The following RORA variants were observed in gnomAD, a reference collection of about 807,000 sequenced individuals.
RORA encodes the protein nuclear receptor ROR-alpha.
A neutral mutation model predicts 69.5 loss-of-function variants in RORA; 7 were observed. The observed-to-expected ratio is 0.10, with a 90% CI of 0.06 to 0.19. RORA has a LOEUF of 0.19. RORA is among the 10% of genes least tolerant of loss of function. The probability of loss-of-function intolerance (pLI) is 1.00; values close to 1 mark genes in which losing one functional copy is unlikely to be tolerated. For synonymous variants in RORA, 261 were observed against 240.8 expected (o/e 1.08, Z -0.78); for missense variants, 457 against 663.0 (o/e 0.69, Z 3.41).
At chr15:60,614,725 G>C (rs558648739) in intron 2 of RORA, among the ~76,000 whole-genome samples, 3 of 152,180 alleles carry the variant, frequency 2.0e-5, no homozygotes, top group African/African-American at 7.2e-5. Flanking sequence ...ATGTGTGCTG[G>C]GCAAATGGCT....
At chr15:61,154,851 G>C (rs1004089077) in intron 1 of RORA, among the ~76,000 whole-genome samples, 5 of 152,152 alleles carry the variant, frequency 3.3e-5, no homozygotes, top group Admixed American at 3.3e-4. Flanking sequence ...CTCAAGAATA[G>C]AGAGTGGGCT....
intron 2 of RORA, chr15:60,593,001 C>A: frequency 2.2e-6 from 1 of 452,012 alleles, no homozygotes; most frequent in Non-Finnish European, 4.4e-6. Context: ...GAGCTACGGT[C>A]ACCCGCATTT....
In RORA at chr15:61,229,105, C is replaced by T. The variant is rs2080176656; in HGVS notation, c.114G>A (p.Lys38=). 6.5e-7 allele frequency: 1 copy of T among 1,540,122 alleles called. No homozygotes were observed. Among genetic ancestry groups the T allele is most frequent in the Non-Finnish European group, 8.7e-7 (1 of 1,143,764 alleles). ...TGCGCACCGGGGCAGGCGGCTCGCTCTTGCGGGCGGATTCCTGGTTCAGCG... is the reference window on the plus strand; with the variant it reads ...TGCGCACCGGGGCAGGCGGCTCGCTTTTGCGGGCGGATTCCTGGTTCAGCG... The part of the protein sequence containing the change: ...ETPLNQESAR[K]SEPPAPVRRQ... Residue 38 remains lysine (K), a synonymous_variant, in exon 1 of 11, where the codon AAG becomes AAA. Transcript: ENST00000335670.
intron 3 of RORA, chr15:60,528,608 C>T (rs991696754): frequency 6.6e-6 from 1 of 152,120 alleles, no homozygotes. Flanking sequence ...CAAATGGTCA[C>T]AACAATCAAG....
chr15:60,640,336 G>A (rs2069920303), intron 2 of RORA, among the ~76,000 whole-genome samples: 1 of 152,182 alleles, frequency 6.6e-6, no homozygotes, highest in Admixed American at 6.5e-5. Flanking sequence ...TCTCTCTATT[G>A]TCATTGCTGC....
intron 1 of RORA, among the ~76,000 whole-genome samples, chr15:61,121,860 A>G (rs1038653186): frequency 1.8e-4 from 26 of 146,292 alleles, no homozygotes; most frequent in African/African-American, 2.3e-4. Flanking sequence ...AAAAAAAAAA[A>G]GGGCCCAAGT....
intron 1 of RORA, chr15:61,195,905 A>C (rs2079841828): frequency 6.6e-6 from 1 of 152,236 alleles, no homozygotes; most frequent in Non-Finnish European, 1.5e-5. Context: ...AAAGGGACGA[A>C]ATGTCTGACC....
At chr15:60,640,316 T>A (rs995818171) in intron 2 of RORA, among the ~76,000 whole-genome samples, 4 of 152,198 alleles carry the variant, frequency 2.6e-5, no homozygotes, top group African/African-American at 9.7e-5. Context: ...ATATTTAGAA[T>A]TTATCCACTT....
At chr15:60,751,364 T>C (rs1019364417) in intron 1 of RORA, among the ~76,000 whole-genome samples, 1 of 152,234 alleles carries the variant, frequency 6.6e-6, no homozygotes, top group Admixed American at 6.5e-5. Context: ...CCATCATTAG[T>C]ATCATTATTA....
intron 2 of RORA, among the ~76,000 whole-genome samples, chr15:60,595,986 G>C (rs1033872870): frequency 6.6e-6 from 1 of 152,202 alleles, no homozygotes; most frequent in African/African-American, 2.4e-5. Flanking sequence ...AAAACACCTA[G>C]GGGAAAAGAT....
intron 1 of RORA, among the ~76,000 whole-genome samples, chr15:60,871,090 A>G (rs924523900): frequency 2.0e-5 from 3 of 152,210 alleles, no homozygotes; most frequent in African/African-American, 7.2e-5. Context: ...TCTTGAGCAC[A>G]TCGGAACAAG....
chr15:60,986,159 A>C (rs1197337473), intron 1 of RORA, among the ~76,000 whole-genome samples: 1 of 151,524 alleles, frequency 6.6e-6, no homozygotes, highest in Non-Finnish European at 1.5e-5. Flanking sequence ...CTGGAGACGG[A>C]GTCTTGCTCT....
At chr15:60,880,383 A>T (rs941654657) in intron 1 of RORA, among the ~76,000 whole-genome samples, 3 of 152,204 alleles carry the variant, frequency 2.0e-5, no homozygotes, top group African/African-American at 7.2e-5. Context: ...GCTCATGCCT[A>T]TAATCCCAGC....
At chr15:60,941,104 G>A (rs1892683119) in intron 1 of RORA, among the ~76,000 whole-genome samples, 1 of 152,186 alleles carries the variant, frequency 6.6e-6, no homozygotes, top group African/African-American at 2.4e-5. Context: ...AGCCAACTTT[G>A]TGAACCTAAG....
chr15:60,505,232 T>G (rs1265595606), intron 6 of RORA, among the ~76,000 whole-genome samples: 1 of 152,210 alleles, frequency 6.6e-6, no homozygotes, highest in Non-Finnish European at 1.5e-5. Flanking sequence ...ATTTAGACTT[T>G]TGGAAGCTGC....
chr15:60,982,625 C>T (rs1057339653), intron 1 of RORA, among the ~76,000 whole-genome samples: 9 of 152,166 alleles, frequency 5.9e-5, no homozygotes, highest in Non-Finnish European at 1.3e-4. Flanking sequence ...CCTCATATGC[C>T]TGCACTGGGA....
At chr15:60,666,288 C>T (rs141991191) in intron 2 of RORA, among the ~76,000 whole-genome samples, 4 of 151,008 alleles carry the variant, frequency 2.6e-5, no homozygotes, top group Non-Finnish European at 5.9e-5. Context: ...CCAGCTCAGT[C>T]TCCCAAGTAG....
At chr15:60,974,208 CCATT>C (rs2140354297) in intron 1 of RORA, among the ~76,000 whole-genome samples, 1 of 152,318 alleles carries the variant, frequency 6.6e-6, no homozygotes, top group African/African-American at 2.4e-5. Context: ...AGGCTTAACT[CCATT>C]AGTCATCCCT....
intron 1 of RORA, among the ~76,000 whole-genome samples, chr15:60,943,441 G>C (rs1287991093): frequency 6.6e-6 from 1 of 151,978 alleles, no homozygotes; most frequent in African/African-American, 2.4e-5. Context: ...CTTAAAAAGA[G>C]ATGTTATTTC....
Sources: gnomAD v4.1 joint callset for allele counts (sites outside exome capture counted in the v4.1 genomes callset) on GRCh38, gnomAD v4.1.1 for gene constraint, MANE v1.5 for transcripts, NCBI Gene and HGNC (gene_info 2026-07-23, HGNC 2026-07-21) for gene names.